The following XIRP2 variants were observed in gnomAD, a reference collection of about 807,000 sequenced individuals.
XIRP2 encodes xin actin-binding repeat-containing protein 2.
A neutral mutation model predicts 277.0 loss-of-function variants in XIRP2; 236 were observed. The ratio of observed to expected loss-of-function variants is 0.85; its 90% CI spans 0.77 to 0.95. The LOEUF (loss-of-function observed/expected upper bound fraction) is 0.95, where lower values mean the gene tolerates loss of function less well. Among genes scored for constraint, XIRP2 ranks in the 40% least tolerant of loss-of-function variants. The pLI is 0.00. For synonymous variants in XIRP2, 1,490 were observed against 1,416.5 expected (o/e 1.05, Z -1.17); for missense variants, 4,640 against 4,157.5 (o/e 1.12, Z -3.19).
chr2:167,123,203 T>C (rs1208268828), intron 2 of XIRP2, among the ~76,000 whole-genome samples: 1 of 152,118 alleles, frequency 6.6e-6, no homozygotes, highest in Admixed American at 6.6e-5. Context: ...AGAGTAAACA[T>C]AGTGAGGCAA....
chr2:167,139,770 G>A (rs1691656743), intron 3 of XIRP2, among the ~76,000 whole-genome samples: 1 of 152,128 alleles, frequency 6.6e-6, no homozygotes, highest in Non-Finnish European at 1.5e-5. Flanking sequence ...AATGATAATA[G>A]AAGTGTCCTA....
At chr2:167,111,249 T>C (rs73015927) in intron 2 of XIRP2, among the ~76,000 whole-genome samples, 1 of 152,092 alleles carries the variant, frequency 6.6e-6, no homozygotes, top group African/African-American at 2.4e-5. Context: ...CCTTACCTTA[T>C]GCTGGTTTTC....
chr2:166,937,704 G>A (rs2105376684), intron 2 of XIRP2, among the ~76,000 whole-genome samples: 1 of 152,256 alleles, frequency 6.6e-6, no homozygotes, highest in African/African-American at 2.4e-5. Flanking sequence ...GGTAGAATTT[G>A]GCTGTGAATC....
chr2:167,019,248 G>A (rs976067138), intron 2 of XIRP2, among the ~76,000 whole-genome samples: 1 of 151,382 alleles, frequency 6.6e-6, no homozygotes, highest in Non-Finnish European at 1.5e-5. Flanking sequence ...AGTCCCTGCT[G>A]TTATAAAAAT....
chr2:166,901,582 C>A (rs970092108), intron 1 of XIRP2, among the ~76,000 whole-genome samples: 3 of 152,030 alleles, frequency 2.0e-5, no homozygotes, highest in Non-Finnish European at 4.4e-5. Context: ...CAAAACAATT[C>A]TTTCATTAAA....
chr2:167,209,415 T>C (rs774749664), intron 3 of XIRP2, among the ~76,000 whole-genome samples: 1 of 152,196 alleles, frequency 6.6e-6, no homozygotes, highest in South Asian at 2.1e-4. Flanking sequence ...GACTCAGAGT[T>C]GAGGGAGGAG....
At position 167,245,968 on chromosome 2, in the gene XIRP2, A is replaced by G. The variant is rs967014688; in HGVS notation, c.4576A>G (p.Thr1526Ala). Reference sequence around the variant, plus strand: ...CCCTCCTTCTGATGTCAAAACAACCACATGGCTCTTTGAAACAACACCACT... The same window carrying G: ...CCCTCCTTCTGATGTCAAAACAACCGCATGGCTCTTTGAAACAACACCACT... ...EIPPSDVKTT[T>A]WLFETTPLHE... The change falls in exon 9 of 11, where the codon ACA becomes GCA. Residue 1526 changes from threonine to alanine, a missense_variant. Coordinates refer to ENST00000409195, the MANE Select transcript of XIRP2 (RefSeq NM_152381.6). The G allele has an allele frequency of 8.1e-6, 13 of 1,613,630 alleles. No homozygotes were observed. Among genetic ancestry groups the G allele is most frequent in the Middle Eastern group, 1.7e-4 (1 of 6,060 alleles).
chr2:167,064,694 C>A (rs1411558559), intron 2 of XIRP2, among the ~76,000 whole-genome samples: 2 of 151,822 alleles, frequency 1.3e-5, no homozygotes, highest in Admixed American at 1.3e-4. Context: ...TGACAACCAC[C>A]AATCTACTTC....
rs752431643 is a variant in XIRP2 at position 167,249,770 on chromosome 2, A to G, written c.8378A>G (p.Gln2793Arg). The change falls in exon 9 of 11, where the codon CAG becomes CGG. Residue 2793 changes from glutamine (Q) to arginine (R), a missense_variant. Transcript: ENST00000409195. ...QLPTESIQKN[Q>R]EDKLKMVPRK... ...CCTACAGAATCCATACAGAAGAACC[A>G]GGAAGATAAGCTCAAGATGGTTCCC... 12 of 1,613,446 alleles carry G rather than the reference A, an allele frequency of 7.4e-6. No individual in the cohort carries two copies. Among genetic ancestry groups the G allele is most frequent in the Non-Finnish European group, 1.0e-5 (12 of 1,179,744 alleles).
intron 2 of XIRP2, among the ~76,000 whole-genome samples, chr2:166,934,526 C>T (rs778068002): frequency 5.9e-5 from 9 of 152,296 alleles, no homozygotes; most frequent in Non-Finnish European, 8.8e-5. Flanking sequence ...TATGCCCAGG[C>T]TTCTGACCTA....
At chr2:167,217,931 T>C (rs1427287096) in intron 4 of XIRP2, among the ~76,000 whole-genome samples, 3 of 152,132 alleles carry the variant, frequency 2.0e-5, no homozygotes, top group African/African-American at 7.2e-5. Flanking sequence ...AAGAATTAAC[T>C]CAATACTTTG....
At chr2:167,042,291 A>G (rs1249807078) in intron 2 of XIRP2, among the ~76,000 whole-genome samples, 2 of 152,148 alleles carry the variant, frequency 1.3e-5, no homozygotes, top group Non-Finnish European at 2.9e-5. Flanking sequence ...AAGTCTACAT[A>G]ACAAGCAGCT....
chr2:166,901,269 C>T (rs140914185), intron 1 of XIRP2, among the ~76,000 whole-genome samples: 76 of 152,052 alleles, frequency 5.0e-4, no homozygotes, highest in Non-Finnish European at 9.3e-4. Context: ...AAAAAGAAAT[C>T]CTGGGAATTC....
intron 3 of XIRP2, among the ~76,000 whole-genome samples, chr2:167,207,657 A>C (rs1693896648): frequency 6.6e-6 from 1 of 152,194 alleles, no homozygotes; most frequent in Non-Finnish European, 1.5e-5. Context: ...CTGCAGAAGA[A>C]AAGCATATAT....
chr2:166,969,038 C>T (rs1471917369), intron 2 of XIRP2, among the ~76,000 whole-genome samples: 4 of 152,026 alleles, frequency 2.6e-5, no homozygotes, highest in African/African-American at 9.7e-5. Flanking sequence ...GGACCCTCTT[C>T]CCCGCAAATC....
At chr2:167,118,699 C>A (rs1346791373) in intron 2 of XIRP2, among the ~76,000 whole-genome samples, 2 of 151,956 alleles carry the variant, frequency 1.3e-5, no homozygotes, top group Non-Finnish European at 2.9e-5. Flanking sequence ...AGATCTTGGA[C>A]TCCCCGGCAT....
rs138524187 is a variant in XIRP2 at position 167,090,445 on chromosome 2, T to G, written c.409-45464T>G. 2.6e-3 allele frequency among the ~76,000 whole-genome samples: 402 copies of G among 152,270 alleles called. 5 individuals are homozygous for G. The highest frequency in any genetic ancestry group is 9.2e-3 in the African/African-American group (384 of 41,526). On this transcript the variant is annotated intron_variant, in intron 2 of 10. Coordinates refer to ENST00000409195, the MANE Select transcript of XIRP2 (RefSeq NM_152381.6). The stretch of plus-strand genomic sequence containing the variant: ...CACCTGAAAAACACTTTATGGTCTT[T>G]TGTTTTATCTGTGTCTGATGGTAAT...
rs1029912177 is a variant in XIRP2 at position 167,086,824 on chromosome 2, T to C, written c.409-49085T>C. Among the ~76,000 whole-genome samples the C allele has an allele frequency of 2.7e-5, 4 of 150,788 alleles. No individual in the cohort carries two copies. The South Asian group carries it at 8.4e-4, about 32-fold the overall frequency. On this transcript the variant is annotated intron_variant, in intron 2 of 10. Transcript: ENST00000409195. ...CCTTTAAGCACTTCTCTGTATTGGTTATTCTAGTTATACATTCTTCTAAAT... is the reference window on the plus strand; with the variant it reads ...CCTTTAAGCACTTCTCTGTATTGGTCATTCTAGTTATACATTCTTCTAAAT...
chr2:167,220,308 G>C (rs539768847), intron 5 of XIRP2, among the ~76,000 whole-genome samples: 1 of 152,248 alleles, frequency 6.6e-6, no homozygotes, highest in South Asian at 2.1e-4. Context: ...TCAAATTCCT[G>C]CTCCTTTATT....
Sources: allele counts gnomAD v4.1 joint callset (sites outside exome capture counted in the v4.1 genomes callset), GRCh38; gene constraint gnomAD v4.1.1; transcripts MANE v1.5; gene names NCBI Gene and HGNC (gene_info 2026-07-23, HGNC 2026-07-21).